Variants in AUTS2 observed in about 807,000 individuals in gnomAD.
The protein encoded by AUTS2 is autism susceptibility gene 2 protein.
In AUTS2, 17 loss-of-function variants were observed where a neutral mutation model predicts 112.4. The ratio of observed to expected loss-of-function variants is 0.15; its 90% CI spans 0.10 to 0.23. The LOEUF (loss-of-function observed/expected upper bound fraction) is 0.23, where lower values mean the gene tolerates loss of function less well. AUTS2 is among the 10% of genes least tolerant of loss of function. The probability of loss-of-function intolerance (pLI) is 1.00; values close to 1 mark genes in which losing one functional copy is unlikely to be tolerated. For synonymous variants in AUTS2, 751 were observed against 702.7 expected, an observed-to-expected ratio of 1.07 and a Z score of -1.09; for missense variants, 1,510 against 1,701.6, an observed-to-expected ratio of 0.89 and a Z score of 1.98.
chr7:70,240,719 G>A (rs954837781), intron 4 of AUTS2, among the ~76,000 whole-genome samples: 1 of 152,204 alleles, frequency 6.6e-6, no homozygotes, highest in African/African-American at 2.4e-5. Flanking sequence ...ATAAATGTCT[G>A]TATGCATAGA....
At position 69,639,648 on chromosome 7, in the gene AUTS2, G is replaced by C. The variant is rs948070358; in HGVS notation, c.309+39686G>C. On this transcript the variant is annotated intron_variant, in intron 1 of 18. Transcript: ENST00000342771. ...TGTTTGTTAGCTTGAAACCTGTTGT[G>C]CCCAAGGGCACCTAAAGGCTTCCGT... is the stretch of plus-strand genomic sequence containing the variant. Among the ~76,000 whole-genome samples, 6 of 152,194 alleles carry C rather than the reference G, an allele frequency of 3.9e-5. 1 individual carries two copies. The highest frequency in any genetic ancestry group is 1.4e-4 in the African/African-American group (6 of 41,448).
In AUTS2 at chr7:70,490,636, A is replaced by G. The variant is rs1798194021; in HGVS notation, c.690+54855A>G. ...GAGACTGACAGGTCACCAATGGACC[A>G]TAATGCTTGGCTTTCAGGGCACCTG... On this transcript the variant is annotated intron_variant, in intron 5 of 18. Transcript: ENST00000342771. 2.0e-5 allele frequency among the ~76,000 whole-genome samples: 3 copies of G among 152,170 alleles called. No individual in the cohort carries two copies. The South Asian group carries it at 6.2e-4, about 32-fold the overall frequency.
At chr7:69,857,133 C>A (rs541700634) in intron 1 of AUTS2, among the ~76,000 whole-genome samples, 1 of 152,156 alleles carries the variant, frequency 6.6e-6, no homozygotes. Context: ...GAATTGTAGT[C>A]AGTCAGACAT....
intron 4 of AUTS2, among the ~76,000 whole-genome samples, chr7:70,372,649 C>G (rs1792889851): frequency 1.3e-5 from 2 of 150,590 alleles, no homozygotes; most frequent in African/African-American, 4.9e-5. Flanking sequence ...CTTCTTACTT[C>G]CTTTCTTTCT....
intron 1 of AUTS2, among the ~76,000 whole-genome samples, chr7:69,848,897 G>C (rs2129529529): frequency 6.6e-6 from 1 of 151,966 alleles, no homozygotes; most frequent in East Asian, 1.9e-4. Context: ...CGACACCCTT[G>C]GTTTTATTGA....
intron 6 of AUTS2, chr7:70,729,153 G>T (rs1323794507): frequency 2.2e-6 from 1 of 456,520 alleles, no homozygotes; most frequent in African/African-American, 2.0e-5. Flanking sequence ...TTTTCTCCTG[G>T]TGCTTTCCAG....
At chr7:70,176,227 T>A (rs981947829) in intron 4 of AUTS2, among the ~76,000 whole-genome samples, 3 of 152,316 alleles carry the variant, frequency 2.0e-5, no homozygotes, top group Admixed American at 1.3e-4. Context: ...ATTCTCAATG[T>A]AGGAATTCAT....
chr7:70,654,569 T>C (rs1385525943), intron 5 of AUTS2, among the ~76,000 whole-genome samples: 1 of 152,036 alleles, frequency 6.6e-6, no homozygotes, highest in Non-Finnish European at 1.5e-5. Flanking sequence ...GAAAGAAAAA[T>C]TAGGGGTTAG....
intron 6 of AUTS2, among the ~76,000 whole-genome samples, chr7:70,746,959 C>G (rs1354959595): frequency 1.3e-5 from 2 of 152,080 alleles, no homozygotes; most frequent in African/African-American, 4.8e-5. Flanking sequence ...ACCCATGAAC[C>G]ACCAGTTAAT....
chr7:70,788,431 G>C (rs551649863), intron 18 of AUTS2, among the ~76,000 whole-genome samples: 3 of 152,134 alleles, frequency 2.0e-5, no homozygotes, highest in African/African-American at 7.2e-5. Context: ...TTTCCTTCAA[G>C]GCAGTATGAT....
chr7:70,746,365 C>T (rs909091388), intron 6 of AUTS2, among the ~76,000 whole-genome samples: 2 of 152,072 alleles, frequency 1.3e-5, no homozygotes, highest in African/African-American at 2.4e-5. Context: ...AGACTGATCT[C>T]GAACTCCGGA....
intron 2 of AUTS2, among the ~76,000 whole-genome samples, chr7:69,977,813 C>T (rs868040601): frequency 7.2e-5 from 11 of 152,190 alleles, no homozygotes; most frequent in East Asian, 1.9e-4. Context: ...TATATCATAT[C>T]GGATATATGA....
At chr7:69,618,504 G>A (rs1457980559) in intron 1 of AUTS2, among the ~76,000 whole-genome samples, 3 of 152,128 alleles carry the variant, frequency 2.0e-5, no homozygotes, top group Non-Finnish European at 4.4e-5. Flanking sequence ...TCAAGTCAGC[G>A]GACCCAGTTT....
In AUTS2 at chr7:69,822,049, G is replaced by C. The variant is rs1370970370; in HGVS notation, c.310-77237G>C. ...TCATGAATCTAATTAAAAAATCAGTGACTGGAGGGAAGTAGATGGGTTAGA... is the reference window on the plus strand; with the variant it reads ...TCATGAATCTAATTAAAAAATCAGTCACTGGAGGGAAGTAGATGGGTTAGA... On this transcript the variant is annotated intron_variant, in intron 1 of 18. Coordinates refer to ENST00000342771, the MANE Select transcript of AUTS2 (RefSeq NM_015570.4). Among the ~76,000 whole-genome samples, 5 of 152,190 alleles carry C rather than the reference G, an allele frequency of 3.3e-5. No homozygotes were observed. The East Asian group carries it at 9.6e-4, about 29-fold the overall frequency.
chr7:69,746,745 A>G (rs1787513506), intron 1 of AUTS2, among the ~76,000 whole-genome samples: 1 of 152,128 alleles, frequency 6.6e-6, no homozygotes, highest in South Asian at 2.1e-4. Flanking sequence ...CCTTGTAGGT[A>G]CTATAAGGAC....
intron 2 of AUTS2, among the ~76,000 whole-genome samples, chr7:69,943,359 A>G (rs1313322796): frequency 6.6e-6 from 1 of 152,192 alleles, no homozygotes; most frequent in Non-Finnish European, 1.5e-5. Flanking sequence ...GTCAGCTTCA[A>G]ATGGGCTTCA....
intron 4 of AUTS2, among the ~76,000 whole-genome samples, chr7:70,399,561 T>G (rs1015066774): frequency 6.6e-6 from 1 of 152,188 alleles, no homozygotes; most frequent in African/African-American, 2.4e-5. Flanking sequence ...TTTGCCAGTC[T>G]TTTATAATTT....
chr7:69,736,002 G>A lies in AUTS2; in HGVS notation c.309+136040G>A, dbSNP rs149268933. Among the ~76,000 whole-genome samples the A allele has an allele frequency of 9.1e-4, 139 of 152,316 alleles. 1 individual carries two copies. The highest frequency in any genetic ancestry group is 2.8e-3 in the African/African-American group (118 of 41,572). ...AGGATATAAGCTTTGTGTCTGCAGGGACTTTGTTTCCTATAGTGCTGGATT... is the reference window on the plus strand; with the variant it reads ...AGGATATAAGCTTTGTGTCTGCAGGAACTTTGTTTCCTATAGTGCTGGATT... On this transcript the variant is annotated intron_variant, in intron 1 of 18. Coordinates refer to ENST00000342771, the MANE Select transcript of AUTS2 (RefSeq NM_015570.4).
intron 2 of AUTS2, among the ~76,000 whole-genome samples, chr7:70,003,626 A>T: frequency 8.5e-6 from 1 of 118,080 alleles, no homozygotes; most frequent in African/African-American, 3.5e-5. Context: ...ATATATGAGT[A>T]TCTATAATAT....
Sources: gnomAD v4.1 joint callset for allele counts (sites outside exome capture counted in the v4.1 genomes callset) on GRCh38, gnomAD v4.1.1 for gene constraint, MANE v1.5 for transcripts, NCBI Gene and HGNC (gene_info 2026-07-23, HGNC 2026-07-21) for gene names.